FHIP1A: variants seen among roughly 807,000 people sequenced by gnomAD.
The protein encoded by FHIP1A is FHF complex subunit HOOK-interacting protein 1A.
FHIP1A carries 61 observed loss-of-function variants against 88.6 expected under a neutral mutation model. That is an observed-to-expected ratio of 0.69 (90% CI 0.56 to 0.85). FHIP1A has a LOEUF of 0.85. FHIP1A is among the 40% of genes least tolerant of loss of function. The pLI, the probability that FHIP1A is intolerant of heterozygous loss-of-function variation, is 0.00. For missense variants in FHIP1A, 1,154 were observed against 1,273.5 expected (o/e 0.91, Z 1.43); for synonymous variants, 478 against 496.0 (o/e 0.96, Z 0.48).
chr4:151,614,686 A>G (rs1735450784), intron 7 of FHIP1A, among the ~76,000 whole-genome samples: 1 of 152,086 alleles, frequency 6.6e-6, no homozygotes, highest in African/African-American at 2.4e-5. Context: ...CATCTCTCAG[A>G]GGTGCTGGTG....
intron 5 of FHIP1A, among the ~76,000 whole-genome samples, chr4:151,583,386 G>A (rs1040009861): frequency 6.6e-6 from 1 of 152,204 alleles, no homozygotes; most frequent in African/African-American, 2.4e-5. Context: ...TGTTCCGGGA[G>A]TATCCTTATG....
At chr4:151,645,705 T>C (rs1349663910) in intron 9 of FHIP1A, among the ~76,000 whole-genome samples, 1 of 151,708 alleles carries the variant, frequency 6.6e-6, no homozygotes, top group Non-Finnish European at 1.5e-5. Context: ...TCCCATTTGC[T>C]CCATTTTTGT....
chr4:151,501,706 G>A (rs931507305), intron 3 of FHIP1A, among the ~76,000 whole-genome samples: 11 of 149,986 alleles, frequency 7.3e-5, no homozygotes, highest in African/African-American at 2.4e-4. Flanking sequence ...TTTTATGTTG[G>A]TCATTTGTAT....
At chr4:151,410,178 C>T (rs1465252216) in intron 1 of FHIP1A, among the ~76,000 whole-genome samples, 1 of 152,202 alleles carries the variant, frequency 6.6e-6, no homozygotes, top group Non-Finnish European at 1.5e-5. Flanking sequence ...CTTTGGGAAT[C>T]ACATGAGCAG....
rs1325511843 is a variant in FHIP1A, at chr4:151,649,422, C to T, written c.1418-37C>T. The T allele has an allele frequency of 2.0e-6, 3 of 1,468,896 alleles. No individual in the cohort carries two copies. In the South Asian group the frequency reaches 4.0e-5, roughly 20 times the overall value. The allele number at this position is 1,468,896 out of a possible 1,614,324, so 91.0% of individuals were successfully genotyped here. A position where few individuals can be genotyped will look rare whatever the true frequency, so the allele number is the denominator to read the frequency against. ...CCCATCCACTACCTTTGTCCCCACA[C>T]CTCCCTTGTTCTAACCAGCCTCTGC... On this transcript the variant is annotated intron_variant, in intron 10 of 13. Transcript: ENST00000435205.
At chr4:151,548,783 G>T (rs545216585) in intron 3 of FHIP1A, among the ~76,000 whole-genome samples, 2 of 152,076 alleles carry the variant, frequency 1.3e-5, no homozygotes, top group Non-Finnish European at 1.5e-5. Flanking sequence ...TTAGCCAGGC[G>T]TGGTGGCACA....
rs1451057129 is a variant in FHIP1A, at chr4:151,656,289, A to G, written c.2609A>G (p.His870Arg). 2 of 1,551,646 alleles carry G rather than the reference A, an allele frequency of 1.3e-6. No homozygotes were observed. The highest frequency in any genetic ancestry group is 3.9e-5 in the Admixed American group (2 of 50,994). ...KLENMLENSL[H>R]VNLLLIGIIT... ...GAGAACATGCTGGAGAACTCTTTACATGTTAATTTGCTGCTTATCGGGATC... is the reference window on the plus strand; with the variant it reads ...GAGAACATGCTGGAGAACTCTTTACGTGTTAATTTGCTGCTTATCGGGATC... The change falls in exon 12 of 14, where the codon CAT becomes CGT. Residue 870 changes from histidine to arginine, a missense_variant. His to Arg is a conservative substitution (Grantham distance 29, BLOSUM62 0). Transcript: ENST00000435205. This position sits in a 1 kb window ranked among gnomAD's most constrained non-coding sequence, Gnocchi z 4.2.
rs564482903 is a variant in FHIP1A at position 151,525,911 on chromosome 4, G to A, written c.-122-40227G>A. ...TAGGCAGAGGACCCTGCGGCCTTCC[G>A]CAGTGTTTGTGTCCCTGGGTACTTG... On this transcript the variant is annotated intron_variant, in intron 3 of 13. Coordinates refer to ENST00000435205, the MANE Select transcript of FHIP1A (RefSeq NM_001109977.3). Among the ~76,000 whole-genome samples the A allele has an allele frequency of 6.3e-3, 953 of 151,938 alleles. 11 individuals are homozygous for A. The highest frequency in any genetic ancestry group is 0.021 in the African/African-American group (865 of 41,420).
chr4:151,500,119 A>G (rs1371483243), intron 3 of FHIP1A, among the ~76,000 whole-genome samples: 1 of 152,232 alleles, frequency 6.6e-6, no homozygotes, highest in East Asian at 1.9e-4. Context: ...TATTATGGCC[A>G]CTATCAGGCC....
chr4:151,639,737 G>A (rs1017648990), intron 9 of FHIP1A, among the ~76,000 whole-genome samples: 5 of 152,166 alleles, frequency 3.3e-5, no homozygotes, highest in Non-Finnish European at 5.9e-5. Flanking sequence ...TCCGAGTTGC[G>A]AGGGTTTGTG....
chr4:151,606,185 G>T (rs576833311), intron 7 of FHIP1A, among the ~76,000 whole-genome samples: 1 of 152,234 alleles, frequency 6.6e-6, no homozygotes, highest in East Asian at 1.9e-4. Context: ...AGATAGTAGC[G>T]GGGGTTCTGG....
At chr4:151,616,663 G>A (rs1254030241) in intron 7 of FHIP1A, among the ~76,000 whole-genome samples, 1 of 151,850 alleles carries the variant, frequency 6.6e-6, no homozygotes, top group Non-Finnish European at 1.5e-5. Context: ...TGTTAGCCAG[G>A]ATGGTCTCAA....
intron 4 of FHIP1A, 77 bp downstream of exon 4, chr4:151,566,441 A>C: frequency 1.3e-6 from 1 of 782,888 alleles, no homozygotes; most frequent in South Asian, 1.6e-5. Flanking sequence ...AGGGTTTTCT[A>C]CCTCTGTGAT....
At chr4:151,476,210 T>C (rs1729697111) in intron 2 of FHIP1A, among the ~76,000 whole-genome samples, 2 of 144,294 alleles carry the variant, frequency 1.4e-5, no homozygotes, top group Admixed American at 7.2e-5. Flanking sequence ...GGCAAGATCA[T>C]GGCTCACTGT....
intron 3 of FHIP1A, among the ~76,000 whole-genome samples, chr4:151,514,401 A>G (rs1361355767): frequency 6.6e-6 from 1 of 151,800 alleles, no homozygotes; most frequent in Non-Finnish European, 1.5e-5. Context: ...GAACTAGAGA[A>G]GCAAGAGCAA....
chr4:151,446,581 CT>C (rs35115788), intron 1 of FHIP1A, among the ~76,000 whole-genome samples: 3,329 of 109,934 alleles, frequency 0.03, 96 homozygotes, highest in African/African-American at 0.086. Context: ...TGTTCTTTTT[CT>C]TTTTTTTTTT....
In FHIP1A at chr4:151,433,845, G is replaced by T. The variant is rs1382136771; in HGVS notation, c.-355-20856G>T. ...TGTCTCTTGAAAAATTGCATGCCTG[G>T]GCCATATTATCTTGATTCTATTGCA... On this transcript the variant is annotated intron_variant, in intron 1 of 13. Transcript: ENST00000435205. Among the ~76,000 whole-genome samples, 5 of 152,046 alleles carry T rather than the reference G, an allele frequency of 3.3e-5. No individual in the cohort carries two copies. In the East Asian group the frequency reaches 5.8e-4, roughly 18 times the overall value.
chr4:151,467,506 T>C (rs555579221), intron 2 of FHIP1A, among the ~76,000 whole-genome samples: 1 of 152,322 alleles, frequency 6.6e-6, no homozygotes, highest in Admixed American at 6.5e-5. Context: ...ATCACTCTAC[T>C]GTAAAGATAC....
chr4:151,506,536 G>A (rs544954592), intron 3 of FHIP1A, among the ~76,000 whole-genome samples: 2 of 152,278 alleles, frequency 1.3e-5, no homozygotes, highest in African/African-American at 4.8e-5. Context: ...ACTCATTGCG[G>A]AAGGTGAAGA....
Sources: allele counts gnomAD v4.1 joint callset (sites outside exome capture counted in the v4.1 genomes callset), GRCh38; gene constraint gnomAD v4.1.1; non-coding constraint Gnocchi (gnomAD v3.1); transcripts MANE v1.5; gene names NCBI Gene and HGNC (gene_info 2026-07-23, HGNC 2026-07-21).